The following CSMD3 variants were observed in gnomAD, a reference collection of about 807,000 sequenced individuals.
CSMD3 encodes CUB and sushi domain-containing protein 3.
Under a neutral mutation model 435.2 loss-of-function variants are expected in CSMD3, and 177 were observed. The ratio of observed to expected loss-of-function variants is 0.41; its 90% CI spans 0.36 to 0.46. The LOEUF (loss-of-function observed/expected upper bound fraction) is 0.46. Ranked by LOEUF, CSMD3 falls within the 20% of genes least tolerant of loss-of-function variation. CSMD3 has a pLI of 0.34. For synonymous variants in CSMD3, 1,656 were observed against 1,520.5 expected (o/e 1.09, Z -2.07); for missense variants, 4,265 against 4,504.6 (o/e 0.95, Z 1.52).
chr8:113,087,605 G>C (rs1420436833), intron 5 of CSMD3, among the ~76,000 whole-genome samples: 12 of 117,820 alleles, frequency 1.0e-4, no homozygotes, highest in African/African-American at 3.2e-4. Context: ...CAAGAAATGG[G>C]GAAAGGATTC....
chr8:112,382,110 C>T (rs1829515768), intron 37 of CSMD3, among the ~76,000 whole-genome samples: 2 of 151,634 alleles, frequency 1.3e-5, no homozygotes, highest in African/African-American at 2.4e-5. Context: ...GAGACCTCAG[C>T]TCTAAAAAAT....
intron 8 of CSMD3, among the ~76,000 whole-genome samples, chr8:112,949,437 G>A (rs904819604): frequency 1.3e-5 from 2 of 151,958 alleles, no homozygotes; most frequent in South Asian, 2.1e-4. Flanking sequence ...TACTTTTGCC[G>A]ATTCTACTAC....
chr8:112,298,743 T>C (rs977883823), intron 53 of CSMD3, among the ~76,000 whole-genome samples: 7 of 152,006 alleles, frequency 4.6e-5, no homozygotes, highest in Non-Finnish European at 8.8e-5. Context: ...AGACAAAAAA[T>C]ATTAAAATAT....
chr8:112,408,608 T>G (rs1832063361), intron 33 of CSMD3, among the ~76,000 whole-genome samples, 195 bp from the exon 34 acceptor site: 1 of 152,088 alleles, frequency 6.6e-6, no homozygotes, highest in Admixed American at 6.6e-5. Flanking sequence ...CAGAAAGCTT[T>G]AATTACATTT....
chr8:112,346,734 A>C (rs1290669903), intron 40 of CSMD3, among the ~76,000 whole-genome samples: 1 of 122,978 alleles, frequency 8.1e-6, no homozygotes, highest in Non-Finnish European at 1.6e-5. Context: ...GCTGGAGTGC[A>C]GTGGCGCAAT....
chr8:113,076,327 CA>C (rs1156361090), intron 5 of CSMD3, among the ~76,000 whole-genome samples: 4 of 151,762 alleles, frequency 2.6e-5, no homozygotes, highest in Non-Finnish European at 5.9e-5. Context: ...CTGTCAAGGG[CA>C]AATTTGTGAA....
intron 1 of CSMD3, among the ~76,000 whole-genome samples, chr8:113,384,350 G>A (rs1458888582): frequency 6.6e-6 from 1 of 152,122 alleles, no homozygotes; most frequent in Non-Finnish European, 1.5e-5. Flanking sequence ...ATTCATTATT[G>A]AAGAAGATTT....
chr8:113,344,318 T>A (rs755648018), intron 1 of CSMD3, among the ~76,000 whole-genome samples: 1 of 152,154 alleles, frequency 6.6e-6, no homozygotes, highest in Non-Finnish European at 1.5e-5. Context: ...GCTGGTTGAT[T>A]CACATCTGTT....
chr8:113,109,016 C>T (rs1166996827), intron 4 of CSMD3, among the ~76,000 whole-genome samples: 6 of 152,112 alleles, frequency 3.9e-5, no homozygotes, highest in African/African-American at 1.4e-4. Flanking sequence ...TGAAAAACAA[C>T]CAGATTTCAG....
chr8:112,782,590 A>G (rs1208440848), intron 13 of CSMD3, among the ~76,000 whole-genome samples: 1 of 152,144 alleles, frequency 6.6e-6, no homozygotes, highest in Non-Finnish European at 1.5e-5. Flanking sequence ...CAAGTGCTAG[A>G]AGGTTATAAA....
intron 12 of CSMD3, among the ~76,000 whole-genome samples, chr8:112,803,006 T>C (rs1171656783): frequency 2.0e-5 from 3 of 152,128 alleles, no homozygotes; most frequent in Admixed American, 2.0e-4. Flanking sequence ...TCTGTCATAT[T>C]TGGAATACAT....
Position 112,341,472 on chromosome 8 carries a change from C to G in CSMD3, c.6652+5G>C, listed in dbSNP as rs993702828. On this transcript the variant is annotated splice_donor_5th_base_variant and intron_variant, in intron 42 of 70. Transcript: ENST00000297405. ...TAAATTTTCATTTTTTATTATTTCT[C>G]TTACCTTGGTATACAATATGAAACC... 5.7e-6 allele frequency: 9 copies of G among 1,568,136 alleles called. No homozygotes were observed. Among genetic ancestry groups the G allele is most frequent in the Non-Finnish European group, 7.9e-6 (9 of 1,139,486 alleles).
chr8:112,647,464 G>T (rs1190509123), intron 19 of CSMD3, among the ~76,000 whole-genome samples: 2 of 151,886 alleles, frequency 1.3e-5, no homozygotes, highest in African/African-American at 2.4e-5. Context: ...TCGCCACCAC[G>T]CCCGGCTAAT....
intron 9 of CSMD3, among the ~76,000 whole-genome samples, chr8:112,932,804 T>A (rs1240469058): frequency 6.6e-6 from 1 of 152,090 alleles, no homozygotes; most frequent in Admixed American, 6.6e-5. Flanking sequence ...AGATATTGTA[T>A]ATTTGCATTT....
intron 3 of CSMD3, among the ~76,000 whole-genome samples, chr8:113,198,742 T>C (rs72687630): frequency 1.3e-5 from 2 of 151,184 alleles, no homozygotes; most frequent in African/African-American, 4.8e-5. Context: ...GTGTTAATAG[T>C]AACCTTACTG....
rs1284972395 is a variant in CSMD3, at chr8:113,430,043, T to C, written c.178+6634A>G. On this transcript the variant is annotated intron_variant, in intron 1 of 70. Coordinates refer to ENST00000297405, the MANE Select transcript of CSMD3 (RefSeq NM_198123.2). ...AGGAGAGGTAGCATTTTTTTCTTTT[T>C]AGCTGTGAGTCTGCCCCTTATTCAT... Among the ~76,000 whole-genome samples, 7 of 152,264 alleles carry C rather than the reference T, an allele frequency of 4.6e-5. No homozygotes were observed. The South Asian group carries it at 8.3e-4, about 18-fold the overall frequency.
At chr8:112,845,104 T>C (rs1396294553) in intron 11 of CSMD3, among the ~76,000 whole-genome samples, 1 of 151,968 alleles carries the variant, frequency 6.6e-6, no homozygotes, top group African/African-American at 2.4e-5. Context: ...CCAGAGACAT[T>C]CCTAGAAAGA....
At chr8:113,133,579 G>T (rs1480857053) in intron 4 of CSMD3, among the ~76,000 whole-genome samples, 1 of 152,068 alleles carries the variant, frequency 6.6e-6, no homozygotes, top group Non-Finnish European at 1.5e-5. Context: ...CCACTTGTGG[G>T]TTTATCTCCA....
intron 2 of CSMD3, among the ~76,000 whole-genome samples, chr8:113,301,806 G>A (rs1462224761): frequency 6.6e-6 from 1 of 151,760 alleles, no homozygotes; most frequent in African/African-American, 2.4e-5. Flanking sequence ...CATCAAACTT[G>A]AACATCTATG....
Sources: gnomAD v4.1 joint callset for allele counts (sites outside exome capture counted in the v4.1 genomes callset) on GRCh38, gnomAD v4.1.1 for gene constraint, MANE v1.5 for transcripts, NCBI Gene and HGNC (gene_info 2026-07-23, HGNC 2026-07-21) for gene names.